The following RFX3 variants were observed in gnomAD, a reference collection of about 807,000 sequenced individuals.
RFX3 encodes transcription factor RFX3.
A neutral mutation model predicts 98.6 loss-of-function variants in RFX3; 14 were observed. The ratio of observed to expected loss-of-function variants is 0.14; its 90% CI spans 0.09 to 0.22. The LOEUF is 0.22. Ranked by LOEUF, RFX3 falls within the 10% of genes least tolerant of loss-of-function variation. RFX3 has a pLI of 1.00. For synonymous variants in RFX3, 383 were observed against 328.4 expected, an observed-to-expected ratio of 1.17 and a Z score of -1.80; for missense variants, 639 against 926.9, an observed-to-expected ratio of 0.69 and a Z score of 4.03.
chr9:3,265,394 T>C (rs1368432328), intron 12 of RFX3, among the ~76,000 whole-genome samples: 1 of 152,174 alleles, frequency 6.6e-6, no homozygotes, highest in Non-Finnish European at 1.5e-5. Context: ...TGGAGGCTAC[T>C]TATGTTCCCA....
At chr9:3,350,998 A>G (rs1256773503) in intron 2 of RFX3, among the ~76,000 whole-genome samples, 2 of 152,098 alleles carry the variant, frequency 1.3e-5, no homozygotes, top group African/African-American at 2.4e-5. Flanking sequence ...ACTACTCTGC[A>G]TGATACTGTA....
At chr9:3,298,072 T>C (rs906147315) in intron 5 of RFX3, among the ~76,000 whole-genome samples, 3 of 151,760 alleles carry the variant, frequency 2.0e-5, no homozygotes, top group Non-Finnish European at 4.4e-5. Flanking sequence ...AGCATCTTCA[T>C]ATATAAAAAA....
chr9:3,469,488 G>T, intron 1 of RFX3, among the ~76,000 whole-genome samples: 1 of 152,064 alleles, frequency 6.6e-6, no homozygotes, highest in East Asian at 1.9e-4. Context: ...CTCAATACTG[G>T]GTTCTAAAAA....
chr9:3,380,462 C>G (rs907590848), intron 2 of RFX3, among the ~76,000 whole-genome samples: 2 of 152,142 alleles, frequency 1.3e-5, no homozygotes, highest in African/African-American at 4.8e-5. Flanking sequence ...CAGCACCAAA[C>G]AGGGTTCATG....
chr9:3,430,157 A>C (rs897334041), intron 1 of RFX3, among the ~76,000 whole-genome samples: 1 of 152,236 alleles, frequency 6.6e-6, no homozygotes, highest in African/African-American at 2.4e-5. Context: ...AGAGAATAAA[A>C]TGATGTTTTG....
chr9:3,387,260 A>C (rs188113660), intron 2 of RFX3, among the ~76,000 whole-genome samples: 101 of 152,292 alleles, frequency 6.6e-4, no homozygotes, highest in African/African-American at 2.3e-3. Context: ...CCTACCCATC[A>C]AATACCATGT....
At chr9:3,462,582 A>G (rs1023137040) in intron 1 of RFX3, among the ~76,000 whole-genome samples, 8 of 152,084 alleles carry the variant, frequency 5.3e-5, no homozygotes, top group African/African-American at 1.9e-4. Flanking sequence ...CAAATTAGAA[A>G]AGAAGTAGTA....
rs374148486 is a variant in RFX3, at chr9:3,494,348, G to A, written c.-9+31399C>T. On this transcript the variant is annotated intron_variant, in intron 1 of 16. Coordinates refer to ENST00000617270, the MANE Select transcript of RFX3 (RefSeq NM_001282116.2). ...TTTTTGAGAATCCCAAAGAACTTTT[G>A]TTGGGATGTGTTATATCCAGTCATG... 2.4e-4 allele frequency among the ~76,000 whole-genome samples: 37 copies of A among 152,216 alleles called. 1 individual carries two copies. The highest frequency in any genetic ancestry group is 8.4e-4 in the African/African-American group (35 of 41,536).
At chr9:3,226,497 A>C (rs140413957) in intron 16 of RFX3, among the ~76,000 whole-genome samples, 51 of 152,310 alleles carry the variant, frequency 3.3e-4, no homozygotes, top group African/African-American at 1.1e-3. Flanking sequence ...TTGTGATTAA[A>C]CAGCTGGAGA....
chr9:3,525,993 GGGGGAGGGAAGA>G (rs1819245672), exon 1 of RFX3: 2 of 184,452 alleles, frequency 1.1e-5, no homozygotes, highest in South Asian at 3.7e-4. Context: ...GGGGAGGGGT[GGGGGAGGGAAGA>G]GGGGAGGAGG....
At chr9:3,296,800 T>C (rs1425364130) in intron 5 of RFX3, among the ~76,000 whole-genome samples, 3 of 152,028 alleles carry the variant, frequency 2.0e-5, no homozygotes, top group African/African-American at 7.2e-5. Flanking sequence ...AGGTCCCAGC[T>C]AGGAAGACTG....
intron 1 of RFX3, among the ~76,000 whole-genome samples, chr9:3,460,969 T>A (rs1403920072): frequency 6.6e-6 from 1 of 151,830 alleles, no homozygotes; most frequent in African/African-American, 2.4e-5. Context: ...CACCAATTAT[T>A]TTTCTTATAA....
At chr9:3,509,911 A>C (rs963896658) in intron 1 of RFX3, among the ~76,000 whole-genome samples, 1 of 151,926 alleles carries the variant, frequency 6.6e-6, no homozygotes, top group East Asian at 1.9e-4. Flanking sequence ...ACTTACCCTC[A>C]GTTTTCTTAC....
chr9:3,313,110 T>G (rs954190121), intron 4 of RFX3, among the ~76,000 whole-genome samples: 1 of 152,130 alleles, frequency 6.6e-6, no homozygotes, highest in Non-Finnish European at 1.5e-5. Context: ...TGAGAGACAC[T>G]TCCCAGTAGG....
At chr9:3,437,156 T>G (rs1845202134) in intron 1 of RFX3, among the ~76,000 whole-genome samples, 1 of 152,208 alleles carries the variant, frequency 6.6e-6, no homozygotes, top group African/African-American at 2.4e-5. Context: ...CACTTTGAAT[T>G]GGTTAATTAC....
At chr9:3,415,798 C>G (rs902446996) in intron 1 of RFX3, among the ~76,000 whole-genome samples, 46 of 152,016 alleles carry the variant, frequency 3.0e-4, no homozygotes, top group African/African-American at 1.1e-3. Flanking sequence ...ACAATGAGAC[C>G]CAAGATTATA....
chr9:3,329,621 C>G (rs1337336729), intron 4 of RFX3, among the ~76,000 whole-genome samples: 1 of 152,000 alleles, frequency 6.6e-6, no homozygotes, highest in African/African-American at 2.4e-5. Flanking sequence ...TTACATATGG[C>G]ACATGGGTAA....
At chr9:3,378,479 G>C (rs1838792638) in intron 2 of RFX3, among the ~76,000 whole-genome samples, 1 of 151,152 alleles carries the variant, frequency 6.6e-6, no homozygotes, top group Non-Finnish European at 1.5e-5. Context: ...CTATATCTTG[G>C]CTATATCTCC....
At chr9:3,460,944 T>C (rs1243771705) in intron 1 of RFX3, among the ~76,000 whole-genome samples, 2 of 151,904 alleles carry the variant, frequency 1.3e-5, no homozygotes, top group African/African-American at 2.4e-5. Flanking sequence ...CTTACTCTAA[T>C]GTATTTAATG....
Sources: gnomAD v4.1 joint callset for allele counts (sites outside exome capture counted in the v4.1 genomes callset) on GRCh38, gnomAD v4.1.1 for gene constraint, MANE v1.5 for transcripts, NCBI Gene and HGNC (gene_info 2026-07-23, HGNC 2026-07-21) for gene names.